Variants in HEBP1 observed in about 807,000 individuals in gnomAD.
The protein encoded by HEBP1 is heme-binding protein 1.
HEBP1 carries 13 observed loss-of-function variants against 20.4 expected under a neutral mutation model. That is an observed-to-expected ratio of 0.64 (90% CI 0.42 to 1.01). The LOEUF is 1.01. Ranked by LOEUF, HEBP1 falls within the 50% of genes least tolerant of loss-of-function variation. The pLI, the probability that HEBP1 is intolerant of heterozygous loss-of-function variation, is 0.00. For missense variants in HEBP1, 241 were observed against 247.3 expected (o/e 0.97, Z 0.17); for synonymous variants, 92 against 90.7 (o/e 1.01, Z -0.08).
At chr12:12,994,873 G>A (rs1565494804) in intron 1 of HEBP1, among the ~76,000 whole-genome samples, 1 of 152,138 alleles carries the variant, frequency 6.6e-6, no homozygotes. Flanking sequence ...ATGAGGTTGG[G>A]ATTGTCCAGA....
Position 12,982,874 on chromosome 12 carries a change from C to T in HEBP1, c.398+4278G>A, listed in dbSNP as rs114613954. Reference sequence around the variant, plus strand: ...AGTTAGGAGGAGGAGAATAGGCTAACATTTACTGAGTGTCTACCTCATGTC... The same window carrying T: ...AGTTAGGAGGAGGAGAATAGGCTAATATTTACTGAGTGTCTACCTCATGTC... On this transcript the variant is annotated intron_variant, in intron 3 of 3. Transcript: ENST00000014930. Among the ~76,000 whole-genome samples, 570 of 152,264 alleles carry T rather than the reference C, an allele frequency of 3.7e-3. 8 individuals are homozygous for T. Among genetic ancestry groups the T allele is most frequent in the African/African-American group, 0.013 (544 of 41,546 alleles).
intron 1 of HEBP1, among the ~76,000 whole-genome samples, chr12:12,991,896 T>C (rs1864229444): frequency 6.6e-6 from 1 of 152,234 alleles, no homozygotes; most frequent in African/African-American, 2.4e-5. Flanking sequence ...AACATTATTA[T>C]AGTTTTAACA....
chr12:12,985,003 T>C (rs1321924853), intron 3 of HEBP1, among the ~76,000 whole-genome samples: 2 of 151,588 alleles, frequency 1.3e-5, no homozygotes, highest in Admixed American at 6.6e-5. Flanking sequence ...ACTACAAATA[T>C]TAGGCACAGT....
intron 1 of HEBP1, among the ~76,000 whole-genome samples, chr12:12,997,717 G>T (rs1467662092): frequency 6.6e-6 from 1 of 152,236 alleles, no homozygotes; most frequent in Admixed American, 6.5e-5. Context: ...GAAGGAATCT[G>T]AGGGCACAGG....
chr12:12,997,237 C>T (rs1156636941), intron 1 of HEBP1, among the ~76,000 whole-genome samples: 1 of 152,090 alleles, frequency 6.6e-6, no homozygotes, highest in Non-Finnish European at 1.5e-5. Flanking sequence ...CCCAGAGGCC[C>T]CAAATTAACG....
At chr12:12,987,612 T>TCTCTCTCTTTCTC (rs1230851526) in intron 2 of HEBP1, among the ~76,000 whole-genome samples, 2,198 of 117,670 alleles carry the variant, frequency 0.019, 29 homozygotes, top group Admixed American at 0.038. Context: ...CTCTCTCTCT[T>TCTCTCTCTTTCTC]TCTCTCTCTC....
Position 12,998,964 on chromosome 12 carries a change from T to C in HEBP1, c.78+1073A>G, listed in dbSNP as rs979806798. On this transcript the variant is annotated intron_variant, in intron 1 of 3. Coordinates refer to ENST00000014930, the MANE Select transcript of HEBP1 (RefSeq NM_015987.5). The surrounding 1 kb of genome is among the most constrained non-coding windows in gnomAD (Gnocchi z 4.2). ...GGATCTAACTGGCCAAAAGCAATGG[T>C]ACAGCTCTGGGCCTTTGTGCATGCT... 6.6e-6 allele frequency among the ~76,000 whole-genome samples: 1 copy of C among 152,220 alleles called. No homozygotes were observed. Among genetic ancestry groups the C allele is most frequent in the Non-Finnish European group, 1.5e-5 (1 of 68,040 alleles).
chr12:12,998,237 G>A lies in HEBP1; in HGVS notation c.78+1800C>T, dbSNP rs1022314597. Among the ~76,000 whole-genome samples, 1 of 152,240 alleles carries A rather than the reference G, an allele frequency of 6.6e-6. No homozygotes were observed. Among genetic ancestry groups the A allele is most frequent in the African/African-American group, 2.4e-5 (1 of 41,554 alleles). ...AAAACATAAGTTCCATGAGGGCAGA[G>A]AATTTTGCTGGTTTTAATCTTTTAT... is the stretch of plus-strand genomic sequence containing the variant. On this transcript the variant is annotated intron_variant, in intron 1 of 3. Transcript: ENST00000014930. The surrounding 1 kb of genome is among the most constrained non-coding windows in gnomAD (Gnocchi z 4.2).
At position 12,999,804 on chromosome 12, in the gene HEBP1, G is replaced by A. The variant is rs114593878; in HGVS notation, c.78+233C>T. ...AAGTTGGGATTCTCTCCTTGGATCA[G>A]TCTCTCCTGTTTACCCCCCTCCTCT... On this transcript the variant is annotated intron_variant, in intron 1 of 3. Transcript: ENST00000014930. Among the ~76,000 whole-genome samples, 953 of 152,344 alleles carry A rather than the reference G, an allele frequency of 6.3e-3. 12 individuals are homozygous for A. The highest frequency in any genetic ancestry group is 0.021 in the African/African-American group (867 of 41,570).
intron 3 of HEBP1, among the ~76,000 whole-genome samples, chr12:12,978,707 A>G (rs1010430616): frequency 6.6e-6 from 1 of 152,014 alleles, no homozygotes; most frequent in Non-Finnish European, 1.5e-5. Context: ...GGTAAGAGAG[A>G]GGAAGGAAGA....
Position 12,986,874 on chromosome 12 carries a change from G to A in HEBP1, c.398+278C>T. Reference sequence around the variant, plus strand: ...TATTTGCTGAGTCTCCTAGAACCCTGCTATGGCTAATGTAGACATTCACTG... The same window carrying A: ...TATTTGCTGAGTCTCCTAGAACCCTACTATGGCTAATGTAGACATTCACTG... On this transcript the variant is annotated intron_variant, in intron 3 of 3. Coordinates refer to ENST00000014930, the MANE Select transcript of HEBP1 (RefSeq NM_015987.5). The surrounding 1 kb of genome is among the most constrained non-coding windows in gnomAD (Gnocchi z 4.3). 2.9e-6 allele frequency: 1 copy of A among 344,784 alleles called. No individual in the cohort carries two copies. The highest frequency in any genetic ancestry group is 5.3e-6 in the Non-Finnish European group (1 of 188,526). The allele number at this position is 344,784 out of a possible 1,614,324, so 21.4% of individuals were successfully genotyped here.
At chr12:12,994,419 A>G (rs1049454244) in intron 1 of HEBP1, among the ~76,000 whole-genome samples, 4 of 152,196 alleles carry the variant, frequency 2.6e-5, no homozygotes, top group African/African-American at 9.6e-5. Context: ...TGTGACCTAA[A>G]CATAGGATTT....
rs576306438 is a variant in HEBP1 at position 12,990,167 on chromosome 12, T to TTTTA, written c.79-756_79-753dup. ...ACACACACAAACACACACACATGTA[T>TTTTA]TTTATTTATTTATTTATTTTTGAGA... On this transcript the variant is annotated intron_variant, in intron 1 of 3. Transcript: ENST00000014930. Among the ~76,000 whole-genome samples the TTTTA allele has an allele frequency of 7.1e-4, 108 of 151,136 alleles. 2 individuals carry two copies. In the South Asian group the frequency reaches 0.015, roughly 21 times the overall value.
Position 12,991,724 on chromosome 12 carries a change from A to T in HEBP1, c.79-2309T>A, listed in dbSNP as rs770656017. On this transcript the variant is annotated intron_variant, in intron 1 of 3. Coordinates refer to ENST00000014930, the MANE Select transcript of HEBP1 (RefSeq NM_015987.5). ...TGAATATACACATAGTTAAAGTTTC[A>T]CAAAGTAATGCTTTACCCTTATGGA... Among the ~76,000 whole-genome samples the T allele has an allele frequency of 1.2e-4, 19 of 152,314 alleles. No homozygotes were observed. The South Asian group carries it at 1.7e-3, about 13-fold the overall frequency.
chr12:12,981,573 A>C (rs1864082997), intron 3 of HEBP1, among the ~76,000 whole-genome samples: 1 of 152,226 alleles, frequency 6.6e-6, no homozygotes, highest in Non-Finnish European at 1.5e-5. Context: ...ATGTTTGTCA[A>C]ATCAAACCAA....
chr12:12,987,052 C>T lies in HEBP1; in HGVS notation c.398+100G>A. On this transcript the variant is annotated intron_variant, in intron 3 of 3. Coordinates refer to ENST00000014930, the MANE Select transcript of HEBP1 (RefSeq NM_015987.5). ...GCATTTCCTACTTAAATTAATTCAG[C>T]AACCATAAAAATTTGACGCGAATGC... 4 of 909,532 alleles carry T rather than the reference C, an allele frequency of 4.4e-6. No homozygotes were observed. In the South Asian group the frequency reaches 6.8e-5, roughly 15 times the overall value. The allele number at this position is 909,532 out of a possible 1,614,324, so 56.3% of individuals were successfully genotyped here. A position where few individuals can be genotyped will look rare whatever the true frequency, so the allele number is the denominator to read the frequency against.
At chr12:12,975,540 C>T (rs1863969477) in intron 3 of HEBP1, 61 bp from the exon 4 acceptor site, 2 of 1,465,016 alleles carry the variant, frequency 1.4e-6, no homozygotes, top group Non-Finnish European at 1.8e-6. Context: ...GAGGGGGGAT[C>T]TTTAGAAAAA....
In HEBP1 at chr12:13,000,192, CGGCGGCAGGGCGGCAG is replaced by C. The variant is rs878915334; in HGVS notation, c.-94_-79del. On this transcript the variant is annotated 5_prime_UTR_variant, in exon 1 of 4. Coordinates refer to ENST00000014930, the MANE Select transcript of HEBP1 (RefSeq NM_015987.5). ...ACGGAGCACCACGGGCAGCGACCAC[CGGCGGCAGGGCGGCAG>C]GGCGGCAGGGCGGCAGGGCGGCAGG... The C allele has an allele frequency of 0.019, 11,099 of 585,274 alleles. 558 individuals carry two copies. Among genetic ancestry groups the C allele is most frequent in the East Asian group, 0.14 (3,709 of 27,374 alleles). 36.3% of individuals were successfully genotyped at this position (585,274 alleles called of 1,614,324 possible).
chr12:12,976,173 A>G (rs1863985308), intron 3 of HEBP1, among the ~76,000 whole-genome samples: 1 of 151,802 alleles, frequency 6.6e-6, no homozygotes, highest in African/African-American at 2.4e-5. Flanking sequence ...AAGACTTGGG[A>G]GGGCCCCACA....
Sources: allele counts gnomAD v4.1 joint callset (sites outside exome capture counted in the v4.1 genomes callset), GRCh38; gene constraint gnomAD v4.1.1; non-coding constraint Gnocchi (gnomAD v3.1); transcripts MANE v1.5; gene names NCBI Gene and HGNC (gene_info 2026-07-23, HGNC 2026-07-21).